HUNK: variants seen among roughly 807,000 people sequenced by gnomAD.
The protein encoded by HUNK is hormonally up-regulated neu tumor-associated kinase.
HUNK carries 21 observed loss-of-function variants against 61.0 expected under a neutral mutation model. The ratio of observed to expected loss-of-function variants is 0.34; its 90% CI spans 0.24 to 0.50. The LOEUF is 0.50. HUNK is among the 20% of genes least tolerant of loss of function. The pLI is 0.98. For synonymous variants in HUNK, 371 were observed against 386.1 expected (o/e 0.96, Z 0.46); for missense variants, 772 against 945.7 (o/e 0.82, Z 2.41).
At chr21:31,967,786 A>G (rs2052977591) in intron 5 of HUNK, among the ~76,000 whole-genome samples, 1 of 152,286 alleles carries the variant, frequency 6.6e-6, no homozygotes, top group African/African-American at 2.4e-5. Context: ...TGAGTGCTCA[A>G]AAACCTACCT....
At chr21:31,968,086 C>T (rs1056471943) in intron 5 of HUNK, among the ~76,000 whole-genome samples, 164 bp from the exon 6 acceptor site, 1 of 152,108 alleles carries the variant, frequency 6.6e-6, no homozygotes, top group South Asian at 2.1e-4. Context: ...CCAAGCTCCA[C>T]GATTCATTGA....
At chr21:31,926,069 C>G (rs1389025526) in intron 2 of HUNK, among the ~76,000 whole-genome samples, 1 of 152,146 alleles carries the variant, frequency 6.6e-6, no homozygotes. Flanking sequence ...CAGGCATGTG[C>G]CACAACGCCC....
chr21:31,964,641 A>G (rs1322404268), intron 5 of HUNK, among the ~76,000 whole-genome samples: 3 of 152,164 alleles, frequency 2.0e-5, no homozygotes, highest in Non-Finnish European at 4.4e-5. Context: ...TCTTTTGCCC[A>G]TAAGGCAGGG....
At chr21:31,954,685 C>G (rs78419073) in intron 4 of HUNK, among the ~76,000 whole-genome samples, 1,553 of 152,294 alleles carry the variant, frequency 0.01, 28 homozygotes, top group African/African-American at 0.035. Flanking sequence ...TTTTTGAGTA[C>G]GCATCAGAAG....
At chr21:31,929,038 T>TTG (rs148516318) in intron 2 of HUNK, among the ~76,000 whole-genome samples, 17 of 150,838 alleles carry the variant, frequency 1.1e-4, no homozygotes, top group Admixed American at 3.3e-4. Context: ...GGGCTTTTGG[T>TTG]TGTGTGTGTG....
chr21:31,926,062 G>A (rs995081945), intron 2 of HUNK, among the ~76,000 whole-genome samples: 3 of 152,122 alleles, frequency 2.0e-5, no homozygotes, highest in African/African-American at 7.2e-5. Flanking sequence ...GGGATTACAG[G>A]CATGTGCCAC....
chr21:31,897,523 A>G (rs890038134), intron 1 of HUNK, among the ~76,000 whole-genome samples: 20 of 152,162 alleles, frequency 1.3e-4, no homozygotes, highest in African/African-American at 4.6e-4. Flanking sequence ...TAAAGACACA[A>G]TCATGTTGGA....
At chr21:31,969,856 C>T (rs988423421) in intron 6 of HUNK, among the ~76,000 whole-genome samples, 10 of 152,116 alleles carry the variant, frequency 6.6e-5, no homozygotes, top group East Asian at 1.9e-4. Context: ...CCACTGTGCC[C>T]GGCCAAAAAC....
chr21:31,998,074 C>T (rs2053218346), intron 10 of HUNK, among the ~76,000 whole-genome samples: 1 of 152,188 alleles, frequency 6.6e-6, no homozygotes, highest in Admixed American at 6.5e-5. Context: ...CATGCCACCA[C>T]ACCCTGCTAA....
chr21:31,900,958 G>A (rs1015859246), intron 1 of HUNK, among the ~76,000 whole-genome samples: 2 of 152,094 alleles, frequency 1.3e-5, no homozygotes, highest in Non-Finnish European at 2.9e-5. Flanking sequence ...CTTTGGGGAA[G>A]GGTCTCTTCC....
chr21:31,984,443 T>C (rs753277473), intron 8 of HUNK, among the ~76,000 whole-genome samples: 8 of 151,940 alleles, frequency 5.3e-5, no homozygotes, highest in Non-Finnish European at 1.0e-4. Context: ...TAGAGCTGAG[T>C]GTAACACGTG....
At chr21:31,945,334 C>T (rs747523108) in intron 3 of HUNK, among the ~76,000 whole-genome samples, 1 of 152,134 alleles carries the variant, frequency 6.6e-6, no homozygotes, top group Non-Finnish European at 1.5e-5. Flanking sequence ...TTTCTCCCCC[C>T]TCTTCCTGGG....
chr21:31,898,103 C>T (rs557710245), intron 1 of HUNK, among the ~76,000 whole-genome samples: 25 of 152,246 alleles, frequency 1.6e-4, no homozygotes, highest in African/African-American at 5.1e-4. Context: ...CAAGACCCCC[C>T]GCTGGTCTGG....
chr21:31,913,408 T>G (rs2052559397), intron 1 of HUNK, among the ~76,000 whole-genome samples: 2 of 147,164 alleles, frequency 1.4e-5, no homozygotes, highest in African/African-American at 2.5e-5. Flanking sequence ...AGCAGGGGAG[T>G]ACAGGAAGGA....
At chr21:31,943,858 G>C (rs1253048989) in intron 3 of HUNK, among the ~76,000 whole-genome samples, 1 of 152,210 alleles carries the variant, frequency 6.6e-6, no homozygotes, top group African/African-American at 2.4e-5. Flanking sequence ...ATTAGGAACA[G>C]AGTCTTTTGC....
chr21:31,927,333 G>A (rs547423362), intron 2 of HUNK, among the ~76,000 whole-genome samples: 124 of 150,196 alleles, frequency 8.3e-4, no homozygotes, highest in African/African-American at 2.8e-3. Flanking sequence ...GTGAGCCGCC[G>A]TGCCCAGCCA....
At position 32,003,271 on chromosome 21, in the gene HUNK, A is replaced by G. The variant is rs746630075; in HGVS notation, c.*4087A>G. 6.6e-6 allele frequency: 1 copy of G among 151,984 alleles called. No individual in the cohort carries two copies. Among genetic ancestry groups the G allele is most frequent in the Non-Finnish European group, 1.5e-5 (1 of 68,012 alleles). 9.4% of individuals were successfully genotyped at this position (151,984 alleles called of 1,614,324 possible). A position where few individuals can be genotyped will look rare whatever the true frequency, so the allele number is the denominator to read the frequency against. On this transcript the variant is annotated 3_prime_UTR_variant, in exon 11 of 11. Coordinates refer to ENST00000270112, the MANE Select transcript of HUNK (RefSeq NM_014586.2). The stretch of plus-strand genomic sequence containing the variant: ...GAACCTTATGCTGTTTGTCCCATCC[A>G]CTCTTGAAGCTGGGGAAAGACAGCT...
chr21:31,924,399 T>C lies in HUNK; in HGVS notation c.262-69T>C, dbSNP rs2052645130. 6.8e-7 allele frequency: 1 copy of C among 1,463,266 alleles called. No homozygotes were observed. Among genetic ancestry groups the C allele is most frequent in the Non-Finnish European group, 9.3e-7 (1 of 1,079,596 alleles). 90.6% of individuals were successfully genotyped at this position (1,463,266 alleles called of 1,614,324 possible). On this transcript the variant is annotated intron_variant, in intron 1 of 10. Transcript: ENST00000270112. The surrounding 1 kb of genome is among the most constrained non-coding windows in gnomAD (Gnocchi z 5.1). Reference sequence around the variant, plus strand: ...ATAGCTAGCATTTTTCTTGGGTTCCTGTGAGTAGCCAAGGCATCGCTATTG... The same window carrying C: ...ATAGCTAGCATTTTTCTTGGGTTCCCGTGAGTAGCCAAGGCATCGCTATTG...
chr21:31,946,761 T>C (rs2123831866), intron 4 of HUNK, among the ~76,000 whole-genome samples: 1 of 152,236 alleles, frequency 6.6e-6, no homozygotes, highest in Admixed American at 6.5e-5. Flanking sequence ...ATTACAGGCA[T>C]GCACCACCAT....
Sources: allele counts gnomAD v4.1 joint callset (sites outside exome capture counted in the v4.1 genomes callset), GRCh38; gene constraint gnomAD v4.1.1; non-coding constraint Gnocchi (gnomAD v3.1); transcripts MANE v1.5; gene names NCBI Gene and HGNC (gene_info 2026-07-23, HGNC 2026-07-21).